Variants in PPP1R42 observed in about 807,000 individuals in gnomAD.
The protein encoded by PPP1R42 is leucine rich repeat containing 67.
A neutral mutation model predicts 31.0 loss-of-function variants in PPP1R42; 34 were observed. The observed-to-expected ratio is 1.10, with a 90% CI of 0.83 to 1.46. The LOEUF (loss-of-function observed/expected upper bound fraction) is 1.46. PPP1R42 is among the 40% of genes most tolerant of loss of function. The pLI, the probability that PPP1R42 is intolerant of heterozygous loss-of-function variation, is 0.00. For missense variants in PPP1R42, 268 were observed against 303.0 expected (o/e 0.88, Z 0.86); for synonymous variants, 103 against 109.8 (o/e 0.94, Z 0.39).
intron 5 of PPP1R42, among the ~76,000 whole-genome samples, chr8:66,996,711 T>G (rs1815343426): frequency 1.3e-5 from 2 of 152,344 alleles, no homozygotes; most frequent in South Asian, 4.1e-4. Flanking sequence ...TTTCTAGAAG[T>G]TTTATATTTT....
At chr8:67,001,623 A>G (rs1815494065) in intron 5 of PPP1R42, among the ~76,000 whole-genome samples, 1 of 152,068 alleles carries the variant, frequency 6.6e-6, no homozygotes. Context: ...TCAGCGTTTA[A>G]AACAATCATT....
At position 67,019,008 on chromosome 8, in the gene PPP1R42, TTA is replaced by T. The variant is rs543299752; in HGVS notation, c.-84-1179_-84-1178del. Among the ~76,000 whole-genome samples the T allele has an allele frequency of 1.8e-3, 277 of 150,218 alleles. 4 individuals carry two copies. The highest frequency in any genetic ancestry group is 6.5e-3 in the African/African-American group (265 of 40,874). On this transcript the variant is annotated intron_variant, in intron 1 of 7. Transcript: ENST00000685739. Reference sequence around the variant, plus strand: ...CCATGCCCGGCTAATTTTTTTTTTTTTAATTTTAATGGAGACGGGGTTTCACT... The same window carrying T: ...CCATGCCCGGCTAATTTTTTTTTTTTATTTTAATGGAGACGGGGTTTCACT...
intron 7 of PPP1R42, among the ~76,000 whole-genome samples, chr8:66,973,302 T>G (rs1384576046): frequency 6.6e-6 from 1 of 151,938 alleles, no homozygotes; most frequent in Non-Finnish European, 1.5e-5. Context: ...TTTTTTGTTT[T>G]GTTTTTTGTT....
chr8:66,982,260 C>T (rs1814864245), intron 6 of PPP1R42, 80 bp from the exon 7 acceptor site: 2 of 645,316 alleles, frequency 3.1e-6, no homozygotes, highest in Non-Finnish European at 4.6e-6. Flanking sequence ...TGGTTCAGAG[C>T]ACAGAAACTT....
chr8:66,971,282 C>T, intron 7 of PPP1R42: 2 of 537,166 alleles, frequency 3.7e-6, no homozygotes, highest in Non-Finnish European at 5.9e-6. Context: ...AATTAATAAC[C>T]CGAGGAAAAA....
intron 1 of PPP1R42, among the ~76,000 whole-genome samples, chr8:67,025,187 C>G (rs1298773619): frequency 6.6e-6 from 1 of 151,980 alleles, no homozygotes; most frequent in East Asian, 1.9e-4. Context: ...TCAAGCAATC[C>G]TCCCACCTCA....
chr8:66,971,034 A>G (rs1322076649), intron 7 of PPP1R42: 7 of 1,531,630 alleles, frequency 4.6e-6, no homozygotes, highest in Non-Finnish European at 6.1e-6. Flanking sequence ...CTGGAGATGC[A>G]TTTGCATTTA....
At chr8:67,014,665 T>C in intron 2 of PPP1R42, 73 bp from the exon 3 acceptor site, 1 of 1,033,470 alleles carries the variant, frequency 9.7e-7, no homozygotes, top group South Asian at 1.6e-5. Flanking sequence ...AACAAAAATT[T>C]TCAGTTGATC....
intron 6 of PPP1R42, among the ~76,000 whole-genome samples, chr8:66,986,538 C>A (rs1244396702): frequency 6.6e-6 from 1 of 152,186 alleles, no homozygotes; most frequent in African/African-American, 2.4e-5. Context: ...TGGGCCGGGC[C>A]GCCAATTCGT....
intron 7 of PPP1R42, chr8:66,968,511 C>G: frequency 1.0e-6 from 1 of 983,610 alleles, no homozygotes; most frequent in South Asian, 4.7e-5. Flanking sequence ...GATGCCAGCT[C>G]ATTCTTTCCC....
chr8:67,016,823 T>C (rs1223545732), intron 2 of PPP1R42, among the ~76,000 whole-genome samples: 1 of 152,218 alleles, frequency 6.6e-6, no homozygotes, highest in African/African-American at 2.4e-5. Context: ...GTGTATGCTG[T>C]ACCCAATATG....
At chr8:67,019,476 G>T (rs1816140688) in intron 1 of PPP1R42, among the ~76,000 whole-genome samples, 1 of 145,248 alleles carries the variant, frequency 6.9e-6, no homozygotes, top group Non-Finnish European at 1.5e-5. Flanking sequence ...CTGACCTCGT[G>T]ATCCACCCAC....
At chr8:67,006,813 C>T (rs1315812514) in intron 5 of PPP1R42, among the ~76,000 whole-genome samples, 1 of 126,422 alleles carries the variant, frequency 7.9e-6, no homozygotes, top group Non-Finnish European at 1.6e-5. Flanking sequence ...GTGGTGCGAT[C>T]TCGGCTCACT....
chr8:66,964,742 A>G (rs1287788206), intron 7 of PPP1R42, among the ~76,000 whole-genome samples: 1 of 152,190 alleles, frequency 6.6e-6, no homozygotes, highest in Non-Finnish European at 1.5e-5. Flanking sequence ...ATTAATTGGT[A>G]CTTTTTTCAC....
chr8:67,018,397 C>T (rs1362022795), intron 1 of PPP1R42, among the ~76,000 whole-genome samples: 1 of 151,994 alleles, frequency 6.6e-6, no homozygotes. Flanking sequence ...AGATTACAGG[C>T]GTGAGCCACC....
At chr8:66,996,197 G>T (rs1563422926) in intron 5 of PPP1R42, among the ~76,000 whole-genome samples, 1 of 152,118 alleles carries the variant, frequency 6.6e-6, no homozygotes, top group Non-Finnish European at 1.5e-5. Flanking sequence ...ACTCAGGCAT[G>T]TGCCACCATG....
At chr8:67,015,598 C>CTTT (rs375638249) in intron 2 of PPP1R42, among the ~76,000 whole-genome samples, 1 of 135,470 alleles carries the variant, frequency 7.4e-6, no homozygotes, top group African/African-American at 2.7e-5. Context: ...ACATCAATTA[C>CTTT]TTTTTTTTTT....
intron 7 of PPP1R42, among the ~76,000 whole-genome samples, chr8:66,977,821 A>G (rs551216499): frequency 1.3e-5 from 2 of 151,842 alleles, no homozygotes; most frequent in Non-Finnish European, 2.9e-5. Context: ...TTTTAAAAAT[A>G]ATGTTTTTGA....
chr8:67,024,515 G>T (rs1816330908), intron 1 of PPP1R42, among the ~76,000 whole-genome samples: 1 of 150,684 alleles, frequency 6.6e-6, no homozygotes, highest in Admixed American at 6.6e-5. Context: ...TTGCTCTGTT[G>T]CCCAGGCTGG....
Sources: gnomAD v4.1 joint callset for allele counts (sites outside exome capture counted in the v4.1 genomes callset) on GRCh38, gnomAD v4.1.1 for gene constraint, MANE v1.5 for transcripts, NCBI Gene and HGNC (gene_info 2026-07-23, HGNC 2026-07-21) for gene names.